CFAP77: variants seen among roughly 807,000 people sequenced by gnomAD.
CFAP77 encodes the protein cilia and flagella associated protein 77.
In CFAP77, 25 loss-of-function variants were observed where a neutral mutation model predicts 31.1. The observed-to-expected ratio is 0.80, with a 90% CI of 0.59 to 1.12. The LOEUF is 1.12. Among genes scored for constraint, CFAP77 ranks in the 50% most tolerant of loss-of-function variants. The pLI is 0.00. For missense variants in CFAP77, 377 were observed against 397.3 expected (o/e 0.95, Z 0.44); for synonymous variants, 151 against 159.9 (o/e 0.94, Z 0.42).
At chr9:132,423,156 G>C (rs1480854341) in intron 1 of CFAP77, among the ~76,000 whole-genome samples, 1 of 152,204 alleles carries the variant, frequency 6.6e-6, no homozygotes, top group Non-Finnish European at 1.5e-5. Context: ...TAAATTCGGA[G>C]GTTTAAGCAA....
At chr9:132,536,770 T>C (rs1852551302) in intron 3 of CFAP77, among the ~76,000 whole-genome samples, 1 of 152,182 alleles carries the variant, frequency 6.6e-6, no homozygotes, top group African/African-American at 2.4e-5. Flanking sequence ...AGAGATTAGG[T>C]CCCACCTGGG....
At chr9:132,514,550 G>C (rs765111500) in intron 3 of CFAP77, among the ~76,000 whole-genome samples, 1 of 152,146 alleles carries the variant, frequency 6.6e-6, no homozygotes, top group Non-Finnish European at 1.5e-5. Flanking sequence ...CGGATCTCCT[G>C]TTCTCAGCCC....
intron 1 of CFAP77, among the ~76,000 whole-genome samples, chr9:132,462,831 A>G (rs910112331): frequency 2.6e-5 from 4 of 151,540 alleles, no homozygotes; most frequent in African/African-American, 9.7e-5. Context: ...TAAAAATAAA[A>G]TAAAATAAAG....
At chr9:132,449,291 T>C (rs1031183516) in intron 1 of CFAP77, among the ~76,000 whole-genome samples, 16 of 78,004 alleles carry the variant, frequency 2.1e-4, no homozygotes, top group Non-Finnish European at 2.1e-4. Context: ...CTCCTACTCC[T>C]GGCTGCACTC....
chr9:132,421,240 G>A (rs1333932642), intron 1 of CFAP77, among the ~76,000 whole-genome samples: 1 of 151,840 alleles, frequency 6.6e-6, no homozygotes, highest in Non-Finnish European at 1.5e-5. Context: ...GATCCGCCCG[G>A]CTTGGCCTCC....
chr9:132,535,185 T>G lies in CFAP77; in HGVS notation c.525-2416T>G, dbSNP rs150705057. Among the ~76,000 whole-genome samples the G allele has an allele frequency of 9.5e-4, 145 of 152,328 alleles. 1 individual carries two copies. The highest frequency in any genetic ancestry group is 3.4e-3 in the African/African-American group (142 of 41,558). On this transcript the variant is annotated intron_variant, in intron 3 of 5. Coordinates refer to ENST00000393216, the MANE Select transcript of CFAP77 (RefSeq NM_001282957.2). ...TGATAATGATATTTACAATTCAAAT[T>G]TAAAATTACACAGGTTTTTTTCTAC... is the stretch of plus-strand genomic sequence containing the variant.
chr9:132,488,844 C>A (rs1307835052), intron 1 of CFAP77, among the ~76,000 whole-genome samples: 1 of 152,136 alleles, frequency 6.6e-6, no homozygotes, highest in Non-Finnish European at 1.5e-5. Flanking sequence ...ATCCCAGGAC[C>A]CCCTGGGACG....
chr9:132,418,169 A>G (rs1305964574), intron 1 of CFAP77, among the ~76,000 whole-genome samples: 1 of 152,290 alleles, frequency 6.6e-6, no homozygotes, highest in Non-Finnish European at 1.5e-5. Flanking sequence ...GAACGAGGCC[A>G]GGAGTTCTTA....
intron 4 of CFAP77, among the ~76,000 whole-genome samples, chr9:132,540,056 G>A (rs1194112165): frequency 6.6e-6 from 1 of 152,116 alleles, no homozygotes; most frequent in Non-Finnish European, 1.5e-5. Flanking sequence ...CTTGCCTCCT[G>A]AGTAGCTGGG....
At position 132,499,399 on chromosome 9, in the gene CFAP77, A is replaced by T; in HGVS notation, c.323A>T (p.Gln108Leu). 6.2e-7 allele frequency: 1 copy of T among 1,614,200 alleles called. No individual in the cohort carries two copies. The highest frequency in any genetic ancestry group is 8.5e-7 in the Non-Finnish European group (1 of 1,180,044). ...ATCGGACGCTGGAACGTGTTCAAGC[A>T]GCAGCCCACCTGCCCCCACGAGCTG... Reference protein sequence around the residue: ...EAIGRWNVFKQQPTCPHELTR... With the variant: ...EAIGRWNVFKLQPTCPHELTR... The change falls in exon 3 of 6, where the codon CAG (glutamine) becomes CTG (leucine). Residue 108 changes from glutamine (Q) to leucine (L), a missense_variant. Coordinates refer to ENST00000393216, the MANE Select transcript of CFAP77 (RefSeq NM_001282957.2). The surrounding 1 kb of genome is among the most constrained non-coding windows in gnomAD (Gnocchi z 5.4).
intron 1 of CFAP77, among the ~76,000 whole-genome samples, chr9:132,412,622 T>G (rs569974457): frequency 4.5e-4 from 68 of 151,830 alleles, no homozygotes; most frequent in Middle Eastern, 3.4e-3. Context: ...TTGTGCTTTT[T>G]TTTTTTTGTT....
chr9:132,459,551 GTGTA>G (rs764378580), intron 1 of CFAP77, among the ~76,000 whole-genome samples: 10 of 151,802 alleles, frequency 6.6e-5, no homozygotes, highest in Non-Finnish European at 1.5e-4. Flanking sequence ...GTAGGTGTGT[GTGTA>G]TGTGTGTGAG....
At chr9:132,568,833 G>A (rs13440121) in intron 5 of CFAP77, among the ~76,000 whole-genome samples, 1 of 152,008 alleles carries the variant, frequency 6.6e-6, no homozygotes, top group African/African-American at 2.4e-5. Context: ...CCAAGTAGCT[G>A]GGACTATAGG....
At chr9:132,428,264 C>T (rs961826050) in intron 1 of CFAP77, among the ~76,000 whole-genome samples, 1 of 151,932 alleles carries the variant, frequency 6.6e-6, no homozygotes, top group East Asian at 1.9e-4. Flanking sequence ...CCTGCATTGG[C>T]CTCTCAAAGC....
intron 5 of CFAP77, among the ~76,000 whole-genome samples, chr9:132,562,975 G>A (rs1829838914): frequency 6.6e-6 from 1 of 151,720 alleles, no homozygotes; most frequent in East Asian, 1.9e-4. Context: ...TGGGATTACA[G>A]GTGTGAGCCA....
intron 1 of CFAP77, among the ~76,000 whole-genome samples, chr9:132,416,702 A>G (rs1714948145): frequency 6.8e-6 from 1 of 148,080 alleles, no homozygotes; most frequent in Non-Finnish European, 1.5e-5. Flanking sequence ...GCAGTGGTGC[A>G]GTCTTGCTCA....
At chr9:132,566,239 C>T (rs1259332199) in intron 5 of CFAP77, among the ~76,000 whole-genome samples, 1 of 152,162 alleles carries the variant, frequency 6.6e-6, no homozygotes, top group African/African-American at 2.4e-5. Flanking sequence ...TCATGGACTC[C>T]ATGAGCATTT....
intron 1 of CFAP77, among the ~76,000 whole-genome samples, chr9:132,473,505 G>A (rs1412942394): frequency 6.6e-6 from 1 of 152,144 alleles, no homozygotes; most frequent in Non-Finnish European, 1.5e-5. Flanking sequence ...CTCAAGTCCG[G>A]ACACGGATTC....
At chr9:132,470,479 G>A (rs368469490) in intron 1 of CFAP77, among the ~76,000 whole-genome samples, 3 of 152,346 alleles carry the variant, frequency 2.0e-5, no homozygotes, top group Non-Finnish European at 2.9e-5. Context: ...GGAAGAGGTG[G>A]AGTCCAGTTG....
Sources: gnomAD v4.1 joint callset for allele counts (sites outside exome capture counted in the v4.1 genomes callset) on GRCh38, gnomAD v4.1.1 for gene constraint, Gnocchi (gnomAD v3.1) non-coding constraint, MANE v1.5 for transcripts, NCBI Gene and HGNC (gene_info 2026-07-23, HGNC 2026-07-21) for gene names.